MMEL1: variants seen among roughly 807,000 people sequenced by gnomAD.
MMEL1 encodes the protein membrane metallo-endopeptidase-like 1.
Under a neutral mutation model 117.1 loss-of-function variants are expected in MMEL1, and 98 were observed. That is an observed-to-expected ratio of 0.84 (90% CI 0.71 to 0.99). The LOEUF (loss-of-function observed/expected upper bound fraction) is 0.99. Among genes scored for constraint, MMEL1 ranks in the 50% least tolerant of loss-of-function variants. The probability of loss-of-function intolerance (pLI) is 0.00; values close to 1 mark genes in which losing one functional copy is unlikely to be tolerated. For synonymous variants in MMEL1, 390 were observed against 415.1 expected, an observed-to-expected ratio of 0.94 and a Z score of 0.74; for missense variants, 1,014 against 1,049.1, an observed-to-expected ratio of 0.97 and a Z score of 0.46.
In MMEL1 at chr1:2,612,137, T is replaced by G. The variant is rs996873444; in HGVS notation, c.222A>C (p.Arg74=). Residue 74 remains arginine (R), a synonymous_variant, in exon 3 of 24, where the codon CGA becomes CGC. Coordinates refer to ENST00000378412, the MANE Select transcript of MMEL1 (RefSeq NM_033467.4). The surrounding 1 kb of genome is among the most constrained non-coding windows in gnomAD (Gnocchi z 5.4). ...GAAGGCAAAGGCTACCTCGGGGTTT[T>G]CGTTTTACAAAGGTCCTCTCCTCCT... The part of the protein sequence containing the change: ...FLQEERTFVK[R]KPRGIPEAQE... The G allele has an allele frequency of 6.3e-7, 1 of 1,579,402 alleles. No individual in the cohort carries two copies. Among genetic ancestry groups the G allele is most frequent in the Non-Finnish European group, 8.6e-7 (1 of 1,161,406 alleles).
intron 11 of MMEL1, among the ~76,000 whole-genome samples, chr1:2,599,374 T>C (rs1304809899): frequency 6.6e-6 from 1 of 152,230 alleles, no homozygotes; most frequent in Non-Finnish European, 1.5e-5. Flanking sequence ...TTGTATAAAA[T>C]GCTAATATAT....
In MMEL1 at chr1:2,625,602, C is replaced by G. The variant is rs557629465; in HGVS notation, c.154+3729G>C. 7.2e-5 allele frequency among the ~76,000 whole-genome samples: 11 copies of G among 152,320 alleles called. No homozygotes were observed. The South Asian group carries it at 2.3e-3, about 32-fold the overall frequency. ...CTGCTATCTTCTGCAGTTAACTGCT[C>G]TCCTTTTGAGACAGCTCTTGGCCCG... On this transcript the variant is annotated intron_variant, in intron 2 of 23. Coordinates refer to ENST00000378412, the MANE Select transcript of MMEL1 (RefSeq NM_033467.4).
chr1:2,604,869 C>G (rs551891221), intron 9 of MMEL1, among the ~76,000 whole-genome samples: 17 of 152,284 alleles, frequency 1.1e-4, no homozygotes, highest in Non-Finnish European at 1.9e-4. Flanking sequence ...ACACTCCAGT[C>G]CCTCCTGCTC....
intron 11 of MMEL1, among the ~76,000 whole-genome samples, chr1:2,599,412 A>C (rs1283789468): frequency 6.6e-6 from 1 of 152,278 alleles, no homozygotes; most frequent in Non-Finnish European, 1.5e-5. Context: ...TATTCAAGGA[A>C]TACAAGTTTG....
chr1:2,617,209 C>T (rs1012329654), intron 2 of MMEL1, among the ~76,000 whole-genome samples: 13 of 151,882 alleles, frequency 8.6e-5, no homozygotes, highest in Non-Finnish European at 1.3e-4. Context: ...GGGCGGATCA[C>T]GAGGTCAGGA....
At chr1:2,618,694 G>A (rs1423699063) in intron 2 of MMEL1, among the ~76,000 whole-genome samples, 1 of 152,212 alleles carries the variant, frequency 6.6e-6, no homozygotes, top group East Asian at 1.9e-4. Context: ...GTGTCCTAAG[G>A]TGCCTGATGA....
rs756843765 is a variant in MMEL1 at position 2,591,615 on chromosome 1, G to A, written c.2182C>T (p.Arg728Trp). ...ATGGATTGGATGGCGAACTCGGGCC[G>A]GTAGGACCCGCACCACACCTGTGGG... ...NYAQVWCGSYRPEFAIQSIKT... is the reference protein window; with the variant it reads ...NYAQVWCGSYWPEFAIQSIKT... The change falls in exon 23 of 24, where the codon CGG becomes TGG. Residue 728 changes from arginine (R) to tryptophan (W), a missense_variant. Transcript: ENST00000378412. The A allele has an allele frequency of 2.2e-5, 35 of 1,613,436 alleles. No homozygotes were observed. Among genetic ancestry groups the A allele is most frequent in the Middle Eastern group, 3.3e-4 (2 of 6,082 alleles).
At position 2,595,423 on chromosome 1, in the gene MMEL1, G is replaced by C; in HGVS notation, c.1501-64C>G. The C allele has an allele frequency of 7.0e-7, 1 of 1,433,998 alleles. No homozygotes were observed. The highest frequency in any genetic ancestry group is 9.8e-7 in the Non-Finnish European group (1 of 1,019,330). The allele number at this position is 1,433,998 out of a possible 1,614,324, so 88.8% of individuals were successfully genotyped here. ...TGCGGATGGAGTCAGCCCGGGGGCC[G>C]GTCAGTGAGTGCCACACTGTGGGAG... is the stretch of plus-strand genomic sequence containing the variant. On this transcript the variant is annotated intron_variant, in intron 15 of 23. Transcript: ENST00000378412. This position sits in a 1 kb window ranked among gnomAD's most constrained non-coding sequence, Gnocchi z 4.8.
At chr1:2,606,439 T>G in intron 7 of MMEL1, 73 bp from the exon 8 acceptor site, 1 of 1,172,146 alleles carries the variant, frequency 8.5e-7, no homozygotes, top group East Asian at 2.5e-5. Context: ...TCGGTGAATC[T>G]GGCCTCCGGA....
chr1:2,597,448 G>A (rs1344645215), intron 13 of MMEL1, among the ~76,000 whole-genome samples: 2 of 151,972 alleles, frequency 1.3e-5, no homozygotes, highest in Non-Finnish European at 2.9e-5. Flanking sequence ...TGAGAGTCCC[G>A]ACTCCCCTCT....
intron 13 of MMEL1, 137 bp downstream of exon 13, chr1:2,598,070 G>A (rs530216299): frequency 4.0e-6 from 3 of 756,472 alleles, no homozygotes; most frequent in Non-Finnish European, 6.8e-6. Flanking sequence ...ACTCCCCACT[G>A]GGGTGGGCGC....
intron 2 of MMEL1, 140 bp downstream of exon 2, chr1:2,629,191 C>T: frequency 1.1e-6 from 1 of 909,376 alleles, no homozygotes; most frequent in Non-Finnish European, 1.5e-6. Context: ...CCGGGAGCCC[C>T]TGGGTGCCCA....
rs1037714107 is a variant in MMEL1, at chr1:2,601,899, G to A, written c.1041+1985C>T. Among the ~76,000 whole-genome samples the A allele has an allele frequency of 2.6e-5, 4 of 152,358 alleles. No individual in the cohort carries two copies. The East Asian group carries it at 5.8e-4, about 22-fold the overall frequency. ...GCTGAGAACGGACACCACCCAGCAC[G>A]GGCGAGGGTGTGGCACCAGCCGCTG... On this transcript the variant is annotated intron_variant, in intron 11 of 23. Coordinates refer to ENST00000378412, the MANE Select transcript of MMEL1 (RefSeq NM_033467.4).
intron 2 of MMEL1, among the ~76,000 whole-genome samples, chr1:2,623,419 C>T (rs1645321288): frequency 2.6e-5 from 4 of 152,134 alleles, no homozygotes; most frequent in Admixed American, 2.6e-4. Flanking sequence ...CTACAAAAAG[C>T]ACAACTTTTT....
intron 13 of MMEL1, among the ~76,000 whole-genome samples, 171 bp downstream of exon 13, chr1:2,598,036 C>G (rs939166740): frequency 7.2e-5 from 11 of 152,270 alleles, no homozygotes; most frequent in Non-Finnish European, 1.2e-4. Flanking sequence ...GAGCTACGTT[C>G]TGCCTTGTTG....
At chr1:2,597,596 A>C in intron 13 of MMEL1, among the ~76,000 whole-genome samples, 1 of 150,774 alleles carries the variant, frequency 6.6e-6, no homozygotes, top group Non-Finnish European at 1.5e-5. Context: ...CCCGCCCCCT[A>C]CTCAACTCAC....
chr1:2,620,258 G>T (rs1027346121), intron 2 of MMEL1, among the ~76,000 whole-genome samples: 1 of 152,188 alleles, frequency 6.6e-6, no homozygotes, highest in Admixed American at 6.5e-5. Context: ...AGCAAGGGGA[G>T]TCAGAAGGCA....
rs112800740 is a variant in MMEL1, at chr1:2,607,081, C to T, written c.536-12G>A. On this transcript the variant is annotated splice_polypyrimidine_tract_variant and intron_variant, in intron 6 of 23. Coordinates refer to ENST00000378412, the MANE Select transcript of MMEL1 (RefSeq NM_033467.4). ...CTTCTCTATCACACCTGAGAAGGGACGCAGTGGTCACTCTCCCAGCCTCCC... is the reference window on the plus strand; with the variant it reads ...CTTCTCTATCACACCTGAGAAGGGATGCAGTGGTCACTCTCCCAGCCTCCC... 8.1e-4 allele frequency: 1,295 copies of T among 1,605,382 alleles called. 17 individuals are homozygous for T. In the African/African-American group the frequency reaches 0.014, roughly 18 times the overall value.
intron 6 of MMEL1, among the ~76,000 whole-genome samples, chr1:2,607,477 G>A (rs1645048528): frequency 6.7e-6 from 1 of 150,064 alleles, no homozygotes; most frequent in African/African-American, 2.4e-5. Flanking sequence ...GGGTGGGCTG[G>A]GAGGGGGCGC....
Sources: gnomAD v4.1 joint callset for allele counts (sites outside exome capture counted in the v4.1 genomes callset) on GRCh38, gnomAD v4.1.1 for gene constraint, Gnocchi (gnomAD v3.1) non-coding constraint, MANE v1.5 for transcripts, NCBI Gene and HGNC (gene_info 2026-07-23, HGNC 2026-07-21) for gene names.